The following ART3 variants were observed in gnomAD, a reference collection of about 807,000 sequenced individuals.
ART3 encodes the protein ecto-ADP-ribosyltransferase 3.
ART3 carries 49 observed loss-of-function variants against 48.5 expected under a neutral mutation model. That is an observed-to-expected ratio of 1.01 (90% CI 0.80 to 1.28). The LOEUF (loss-of-function observed/expected upper bound fraction) is 1.28. Ranked by LOEUF, ART3 falls within the 50% of genes most tolerant of loss-of-function variation. The pLI is 0.00. For synonymous variants in ART3, 145 were observed against 157.2 expected, an observed-to-expected ratio of 0.92 and a Z score of 0.58; for missense variants, 438 against 454.3, an observed-to-expected ratio of 0.96 and a Z score of 0.33.
intron 1 of ART3, among the ~76,000 whole-genome samples, chr4:76,023,210 A>T (rs1367766595): frequency 6.6e-6 from 1 of 151,686 alleles, no homozygotes; most frequent in Non-Finnish European, 1.5e-5. Flanking sequence ...TCTCACTTCA[A>T]TTCATATAAG....
chr4:76,041,059 T>C (rs1214869702), intron 1 of ART3: 1 of 152,250 alleles, frequency 6.6e-6, no homozygotes, highest in East Asian at 1.9e-4. Flanking sequence ...TAGATGTCTG[T>C]CACATGTCTG....
chr4:76,022,611 CT>C (rs11298565), intron 1 of ART3: 826,411 of 1,489,768 alleles, frequency 0.55, 237,763 homozygotes, highest in East Asian at 0.93. Context: ...CTTTACTGAT[CT>C]TTTTTTATTA....
At chr4:76,038,079 TG>T (rs1734604541) in intron 1 of ART3, among the ~76,000 whole-genome samples, 2 of 25,220 alleles carry the variant, frequency 7.9e-5, no homozygotes, top group Non-Finnish European at 1.3e-4. Flanking sequence ...AGTTTTAAAT[TG>T]TGCACTTTTC....
At chr4:76,069,386 C>CTTTGT (rs59498066) in intron 1 of ART3, among the ~76,000 whole-genome samples, 2,612 of 110,094 alleles carry the variant, frequency 0.024, 220 homozygotes, top group African/African-American at 0.082. Context: ...TACTTAATTC[C>CTTTGT]TTTTTTTTTT....
intron 1 of ART3, 68 bp from the exon 2 acceptor site, chr4:76,075,813 A>G (rs1480464265): frequency 5.8e-6 from 7 of 1,199,298 alleles, no homozygotes; most frequent in South Asian, 2.7e-5. Flanking sequence ...ACGCAGTGTC[A>G]TCCTATTCTA....
chr4:76,089,580 C>A (rs905686053), intron 3 of ART3, among the ~76,000 whole-genome samples: 1 of 152,046 alleles, frequency 6.6e-6, no homozygotes, highest in Non-Finnish European at 1.5e-5. Context: ...TACAGCCTGC[C>A]GAATCATGAG....
At chr4:76,103,851 G>A (rs1207102031) in intron 8 of ART3, 86 bp from the exon 9 acceptor site, 8 of 1,168,252 alleles carry the variant, frequency 6.8e-6, no homozygotes, top group Non-Finnish European at 8.2e-6. Flanking sequence ...TTGAAAGTTG[G>A]AAATGGAGGA....
At chr4:76,080,819 A>AT (rs1722299575) in intron 2 of ART3, among the ~76,000 whole-genome samples, 1 of 151,854 alleles carries the variant, frequency 6.6e-6, no homozygotes. Context: ...TTTTATCCTA[A>AT]TTTTTTTTAA....
chr4:76,061,764 C>T (rs1719238319), intron 1 of ART3, among the ~76,000 whole-genome samples: 1 of 152,154 alleles, frequency 6.6e-6, no homozygotes, highest in Admixed American at 6.5e-5. Context: ...ACTTTTTTAT[C>T]TGACTGGAAG....
chr4:76,102,523 T>C (rs1727559511), intron 8 of ART3, among the ~76,000 whole-genome samples: 1 of 152,052 alleles, frequency 6.6e-6, no homozygotes, highest in South Asian at 2.1e-4. Flanking sequence ...TTGGGTATTG[T>C]TAAATAAAAT....
chr4:76,103,900 C>A (rs1220989262), intron 8 of ART3, 37 bp from the exon 9 acceptor site: 1 of 1,537,792 alleles, frequency 6.5e-7, no homozygotes, highest in Non-Finnish European at 8.9e-7. Context: ...TATAAGATAA[C>A]TGATTAATAC....
Position 76,100,980 on chromosome 4 carries a change from T to A in ART3, c.908-10T>A, listed in dbSNP as rs1391624431. On this transcript the variant is annotated splice_polypyrimidine_tract_variant and intron_variant, in intron 7 of 11. Transcript: ENST00000355810. The stretch of plus-strand genomic sequence containing the variant: ...TTGTTAAAACTGATAAGCTTCTTTT[T>A]GTAACTCAGGTGAGAAAAACCAGAA... 3.1e-6 allele frequency: 5 copies of A among 1,613,360 alleles called. No homozygotes were observed. The highest frequency in any genetic ancestry group is 4.2e-6 in the Non-Finnish European group (5 of 1,179,852).
intron 8 of ART3, 50 bp from the exon 9 acceptor site, chr4:76,103,887 C>T: frequency 3.7e-6 from 5 of 1,342,804 alleles, no homozygotes; most frequent in Non-Finnish European, 5.2e-6. Flanking sequence ...AGAGTATTAA[C>T]AGTATAAGAT....
intron 1 of ART3, among the ~76,000 whole-genome samples, chr4:76,051,592 T>G (rs1736093019): frequency 1.3e-5 from 2 of 152,204 alleles, no homozygotes. Flanking sequence ...CAGGCTGGAG[T>G]GCAATGGCGT....
rs148875389 is a variant in ART3 at position 76,023,935 on chromosome 4, G to A, written c.-10+12615G>A. On this transcript the variant is annotated intron_variant, in intron 1 of 9. Coordinates refer to the ART3 transcript ENST00000341029. Reference sequence around the variant, plus strand: ...AACAGCAAGTTGTGCCTGATTATTAGAACAGTGATTTACCTGGACAGTCCT... The same window carrying A: ...AACAGCAAGTTGTGCCTGATTATTAAAACAGTGATTTACCTGGACAGTCCT... Among the ~76,000 whole-genome samples, 4 of 152,238 alleles carry A rather than the reference G, an allele frequency of 2.6e-5. No individual in the cohort carries two copies. The East Asian group carries it at 7.7e-4, about 29-fold the overall frequency.
chr4:76,062,624 G>A (rs1321509677), intron 1 of ART3, among the ~76,000 whole-genome samples: 2 of 142,570 alleles, frequency 1.4e-5, no homozygotes, highest in African/African-American at 5.2e-5. Context: ...GCAGTGGTGG[G>A]ATCTCGGCTC....
intron 10 of ART3, chr4:76,105,833 C>T: frequency 1.0e-6 from 1 of 985,388 alleles, no homozygotes; most frequent in Non-Finnish European, 1.2e-6. Context: ...CAGAATGAGG[C>T]AGGCTTCTCA....
upstream of ART3, among the ~76,000 whole-genome samples, chr4:76,072,546 TATA>T (rs1720426137): frequency 6.6e-6 from 1 of 151,988 alleles, no homozygotes; most frequent in African/African-American, 2.4e-5. Context: ...CTTGCATTAT[TATA>T]ATAACCTGTC....
upstream of ART3, among the ~76,000 whole-genome samples, chr4:76,069,721 A>G (rs958297318): frequency 5.3e-5 from 8 of 152,156 alleles, no homozygotes; most frequent in African/African-American, 1.9e-4. Context: ...ATAATATTCC[A>G]GTGTGTGGGT....
Sources: allele counts gnomAD v4.1 joint callset (sites outside exome capture counted in the v4.1 genomes callset), GRCh38; gene constraint gnomAD v4.1.1; transcripts MANE v1.5; gene names NCBI Gene and HGNC (gene_info 2026-07-23, HGNC 2026-07-21).